MPPED1: variants seen among roughly 807,000 people sequenced by gnomAD.
MPPED1 encodes metallophosphoesterase domain containing 1.
MPPED1 carries 16 observed loss-of-function variants against 36.2 expected under a neutral mutation model. The observed-to-expected ratio is 0.44, with a 90% CI of 0.30 to 0.67. The LOEUF is 0.67. Among genes scored for constraint, MPPED1 ranks in the 30% least tolerant of loss-of-function variants. The probability of loss-of-function intolerance (pLI) is 0.10; values close to 1 mark genes in which losing one functional copy is unlikely to be tolerated. For synonymous variants in MPPED1, 199 were observed against 191.3 expected (o/e 1.04, Z -0.33); for missense variants, 307 against 453.4 (o/e 0.68, Z 2.93).
chr22:43,484,064 G>A (rs940706236), intron 4 of MPPED1, among the ~76,000 whole-genome samples: 1 of 152,254 alleles, frequency 6.6e-6, no homozygotes, highest in Non-Finnish European at 1.5e-5. Flanking sequence ...GGACTATGTC[G>A]CCTGGTTGCA....
chr22:43,504,793 T>TTGATGGTGGTGATGGGGA (rs1294724572), intron 6 of MPPED1, among the ~76,000 whole-genome samples: 1 of 148,584 alleles, frequency 6.7e-6, no homozygotes, highest in South Asian at 2.2e-4. Context: ...TATGATGATG[T>TTGATGGTGGTGATGGGGA]TGATGGTGGT....
At chr22:43,480,966 G>A (rs1343926754) in intron 4 of MPPED1, among the ~76,000 whole-genome samples, 2 of 152,032 alleles carry the variant, frequency 1.3e-5, no homozygotes, top group South Asian at 2.1e-4. Context: ...TTGGATTACA[G>A]GTAGCTGCCA....
chr22:43,459,455 A>C (rs531188687), intron 3 of MPPED1, among the ~76,000 whole-genome samples: 64 of 152,308 alleles, frequency 4.2e-4, no homozygotes, highest in Non-Finnish European at 4.1e-4. Flanking sequence ...CCTCTTACGC[A>C]CACATGAGTG....
In MPPED1 at chr22:43,438,500, CT is replaced by C. The variant is rs143998695; in HGVS notation, c.406+3288del. ...GGGCTGATCCTAAGGGCAGGGGGAG[CT>C]TTGGGAAGGTTTTTGTATGGGGATG... On this transcript the variant is annotated intron_variant, in intron 3 of 6. Coordinates refer to ENST00000443721, the MANE Select transcript of MPPED1 (RefSeq NM_001044370.2). Among the ~76,000 whole-genome samples the C allele has an allele frequency of 9.6e-3, 1,465 of 152,094 alleles. 19 individuals are homozygous for C. Among genetic ancestry groups the C allele is most frequent in the African/African-American group, 0.034 (1,414 of 41,448 alleles).
intron 2 of MPPED1, among the ~76,000 whole-genome samples, chr22:43,430,926 A>G (rs1181254388): frequency 6.6e-6 from 1 of 151,368 alleles, no homozygotes; most frequent in Admixed American, 6.6e-5. Flanking sequence ...CTACTGGCCC[A>G]TATTAAGAAT....
chr22:43,460,206 AAAAAAC>A (rs135033), intron 3 of MPPED1, among the ~76,000 whole-genome samples: 35,625 of 128,586 alleles, frequency 0.28, 6,758 homozygotes, highest in African/African-American at 0.46. Context: ...ACTCCATCTC[AAAAAAC>A]AAAAACAAAA....
At chr22:43,466,658 C>T (rs1305792309) in intron 3 of MPPED1, among the ~76,000 whole-genome samples, 1 of 152,136 alleles carries the variant, frequency 6.6e-6, no homozygotes, top group Non-Finnish European at 1.5e-5. Flanking sequence ...CCAACCACTC[C>T]ACAGCCCACA....
intron 3 of MPPED1, among the ~76,000 whole-genome samples, chr22:43,459,900 AT>A (rs1930885568): frequency 1.3e-5 from 2 of 151,994 alleles, no homozygotes; most frequent in Admixed American, 6.6e-5. Context: ...TGTGTGTTTC[AT>A]TTAAAAAAAT....
intron 5 of MPPED1, 148 bp downstream of exon 5, chr22:43,498,498 G>T: frequency 1.7e-6 from 1 of 590,824 alleles, no homozygotes; most frequent in Non-Finnish European, 2.9e-6. Flanking sequence ...GTCGCCCCAT[G>T]GTCCCTCTTA....
intron 3 of MPPED1, among the ~76,000 whole-genome samples, chr22:43,445,042 C>T (rs894452997): frequency 6.6e-6 from 1 of 152,104 alleles, no homozygotes; most frequent in African/African-American, 2.4e-5. Context: ...TCTGAGCTTC[C>T]TGGGGGCCAA....
chr22:43,488,746 T>G (rs1931993013), intron 4 of MPPED1, among the ~76,000 whole-genome samples: 1 of 152,228 alleles, frequency 6.6e-6, no homozygotes, highest in Non-Finnish European at 1.5e-5. Context: ...TGTAAGAAAA[T>G]TATTCCAATG....
At chr22:43,496,277 A>G (rs865911562) in intron 4 of MPPED1, among the ~76,000 whole-genome samples, 972 of 6,240 alleles carry the variant, frequency 0.16, 4 homozygotes, top group Middle Eastern at 0.25. Context: ...GGTGGTGGAG[A>G]TGGTGGTGGT....
chr22:43,445,558 C>CTTTTTTTT (rs135055), intron 3 of MPPED1, among the ~76,000 whole-genome samples: 2 of 123,912 alleles, frequency 1.6e-5, no homozygotes, highest in Admixed American at 8.7e-5. Context: ...CTGATGTTTC[C>CTTTTTTTT]TTTTTTTTTT....
At chr22:43,491,857 AGGT>A (rs1932113018) in intron 4 of MPPED1, among the ~76,000 whole-genome samples, 1 of 113,080 alleles carries the variant, frequency 8.8e-6, no homozygotes, top group Admixed American at 8.6e-5. Flanking sequence ...CTGGTGATGG[AGGT>A]GGTGGTGATG....
chr22:43,486,749 C>T (rs1200944072), intron 4 of MPPED1, among the ~76,000 whole-genome samples: 4 of 145,532 alleles, frequency 2.7e-5, no homozygotes, highest in Non-Finnish European at 5.9e-5. Context: ...TGGGAGGGGC[C>T]CCCAGGGGAG....
At chr22:43,492,714 T>C (rs1410074251) in intron 4 of MPPED1, among the ~76,000 whole-genome samples, 5 of 152,054 alleles carry the variant, frequency 3.3e-5, no homozygotes, top group Non-Finnish European at 7.4e-5. Flanking sequence ...CATGGCTGGG[T>C]GTAGGGGACT....
chr22:43,428,510 C>T (rs1015244156), intron 2 of MPPED1, among the ~76,000 whole-genome samples: 3 of 152,158 alleles, frequency 2.0e-5, no homozygotes, highest in East Asian at 1.9e-4. Context: ...ATTTCCATGG[C>T]GAGTCGGCTG....
At chr22:43,503,344 G>A (rs1485630933) in intron 6 of MPPED1, among the ~76,000 whole-genome samples, 1 of 152,168 alleles carries the variant, frequency 6.6e-6, no homozygotes, top group Non-Finnish European at 1.5e-5. Flanking sequence ...TGGCACAGAT[G>A]CCTCTTTTTT....
chr22:43,481,183 T>A (rs552226231), intron 4 of MPPED1, among the ~76,000 whole-genome samples: 1 of 152,318 alleles, frequency 6.6e-6, no homozygotes, highest in African/African-American at 2.4e-5. Flanking sequence ...AGGTGTTGGA[T>A]CCACTGGAAA....
Sources: gnomAD v4.1 joint callset for allele counts (sites outside exome capture counted in the v4.1 genomes callset) on GRCh38, gnomAD v4.1.1 for gene constraint, MANE v1.5 for transcripts, NCBI Gene and HGNC (gene_info 2026-07-23, HGNC 2026-07-21) for gene names.